TTC39C: variants seen among roughly 807,000 people sequenced by gnomAD.
TTC39C encodes tetratricopeptide repeat domain 39C.
In TTC39C, 33 loss-of-function variants were observed where a neutral mutation model predicts 76.3. The observed-to-expected ratio is 0.43, with a 90% CI of 0.33 to 0.58. The LOEUF (loss-of-function observed/expected upper bound fraction) is 0.58, where lower values mean the gene tolerates loss of function less well. TTC39C is among the 20% of genes least tolerant of loss of function. The probability of loss-of-function intolerance (pLI) is 0.04; values close to 1 mark genes in which losing one functional copy is unlikely to be tolerated. For synonymous variants in TTC39C, 254 were observed against 260.6 expected (o/e 0.97, Z 0.24); for missense variants, 595 against 701.4 (o/e 0.85, Z 1.71).
At chr18:24,084,875 G>A (rs1239826254) in intron 6 of TTC39C, among the ~76,000 whole-genome samples, 2 of 152,100 alleles carry the variant, frequency 1.3e-5, no homozygotes, top group Middle Eastern at 3.2e-3. Context: ...ATTTTGGCCA[G>A]TCTGGTCTCA....
intron 1 of TTC39C, among the ~76,000 whole-genome samples, chr18:24,051,853 T>C (rs2083954474): frequency 6.6e-6 from 1 of 152,142 alleles, no homozygotes; most frequent in African/African-American, 2.4e-5. Flanking sequence ...AGTATGAATT[T>C]TGTAGGACGT....
chr18:24,096,585 G>A (rs2084593105), intron 6 of TTC39C, among the ~76,000 whole-genome samples: 1 of 152,120 alleles, frequency 6.6e-6, no homozygotes, highest in South Asian at 2.1e-4. Flanking sequence ...TGTATGAGAT[G>A]TACATATGGT....
intron 1 of TTC39C, among the ~76,000 whole-genome samples, chr18:24,032,832 A>G (rs879276647): frequency 3.3e-5 from 5 of 152,264 alleles, no homozygotes; most frequent in African/African-American, 4.8e-5. Context: ...AGCTCATGCT[A>G]TAAAATAGAC....
At chr18:24,061,592 G>GGA (rs1599286641) in intron 1 of TTC39C, among the ~76,000 whole-genome samples, 3 of 12,142 alleles carry the variant, frequency 2.5e-4, no homozygotes, top group Admixed American at 1.3e-3. Context: ...CTTGAAATAA[G>GGA]TAAAAAAAAA....
intron 1 of TTC39C, among the ~76,000 whole-genome samples, chr18:23,995,244 G>T (rs2145619816): frequency 6.6e-6 from 1 of 152,310 alleles, no homozygotes; most frequent in Non-Finnish European, 1.5e-5. Flanking sequence ...GAGACGGGTG[G>T]ATCACTTGAG....
intron 1 of TTC39C, among the ~76,000 whole-genome samples, chr18:24,030,647 CCTTTTTTTT>C (rs2083656709): frequency 2.7e-5 from 1 of 37,338 alleles, no homozygotes; most frequent in Non-Finnish European, 8.4e-5. Context: ...CAAAGATAGG[CCTTTTTTTT>C]TTTTTTTTTT....
intron 3 of TTC39C, among the ~76,000 whole-genome samples, chr18:24,068,843 G>T (rs893024627): frequency 1.3e-5 from 2 of 152,164 alleles, no homozygotes; most frequent in Non-Finnish European, 2.9e-5. Flanking sequence ...GGATAAGAAA[G>T]ACTTCATATT....
Position 24,116,828 on chromosome 18 carries a change from T to G in TTC39C, c.1079-1297T>G, listed in dbSNP as rs959214398. On this transcript the variant is annotated intron_variant, in intron 7 of 13. Transcript: ENST00000317571. Reference sequence around the variant, plus strand: ...ACCTCTTGATACCTTAGTTTTTTTTTTTTTTTTTTTTTTTTAAGACAGGGT... The same window carrying G: ...ACCTCTTGATACCTTAGTTTTTTTTGTTTTTTTTTTTTTTTAAGACAGGGT... Among the ~76,000 whole-genome samples the G allele has an allele frequency of 8.8e-4, 129 of 145,992 alleles. 4 individuals carry two copies. The highest frequency in any genetic ancestry group is 7.2e-4 in the Non-Finnish European group (48 of 66,538).
chr18:24,109,200 T>TAAAAAAAAAA (rs1599333991), intron 6 of TTC39C, among the ~76,000 whole-genome samples: 1 of 105,782 alleles, frequency 9.5e-6, no homozygotes, highest in Non-Finnish European at 1.8e-5. Context: ...AAAAAAAAAG[T>TAAAAAAAAAA]TAAAAAATTA....
intron 1 of TTC39C, chr18:24,016,510 C>T (rs1019150883): frequency 2.5e-6 from 1 of 392,304 alleles, no homozygotes; most frequent in Non-Finnish European, 4.5e-6. Context: ...GATTTAGGTA[C>T]TTGCATGTTT....
chr18:24,081,488 G>T (rs2084374813), intron 5 of TTC39C, among the ~76,000 whole-genome samples: 1 of 152,156 alleles, frequency 6.6e-6, no homozygotes, highest in African/African-American at 2.4e-5. Context: ...TCTAGAACAA[G>T]AATTCACCAA....
At chr18:24,114,708 C>A in intron 7 of TTC39C, 61 bp downstream of exon 7, 1 of 1,320,306 alleles carries the variant, frequency 7.6e-7, no homozygotes, top group Non-Finnish European at 1.1e-6. Flanking sequence ...AGTATTTTAG[C>A]TTTCATGCCA....
At chr18:24,023,903 A>G (rs1168252732) in intron 1 of TTC39C, among the ~76,000 whole-genome samples, 1 of 140,306 alleles carries the variant, frequency 7.1e-6, no homozygotes, top group Non-Finnish European at 1.5e-5. Flanking sequence ...TACAATGTCT[A>G]AAAATCAATA....
intron 1 of TTC39C, chr18:24,019,753 T>A: frequency 1.2e-6 from 1 of 845,134 alleles, no homozygotes. Context: ...GCTCATTTGG[T>A]TATGTGTGGT....
chr18:23,997,869 G>A (rs555947068), intron 1 of TTC39C, among the ~76,000 whole-genome samples: 7 of 148,626 alleles, frequency 4.7e-5, no homozygotes, highest in South Asian at 4.2e-4. Flanking sequence ...GTGAGACCCC[G>A]TCTGAAAAAA....
chr18:24,042,950 C>T (rs988964352), intron 1 of TTC39C, among the ~76,000 whole-genome samples: 5 of 152,082 alleles, frequency 3.3e-5, no homozygotes, highest in African/African-American at 4.8e-5. Context: ...CCATGACTCT[C>T]ATAAAAATGT....
intron 4 of TTC39C, among the ~76,000 whole-genome samples, chr18:24,075,710 A>C (rs1160615065): frequency 6.6e-6 from 1 of 151,838 alleles, no homozygotes; most frequent in Non-Finnish European, 1.5e-5. Context: ...AAAACAAAAA[A>C]AAAACCTCTA....
At chr18:24,031,034 A>G (rs1439753079) in intron 1 of TTC39C, among the ~76,000 whole-genome samples, 1 of 151,016 alleles carries the variant, frequency 6.6e-6, no homozygotes, top group African/African-American at 2.4e-5. Context: ...GCAGCCTCCA[A>G]TTCCTGCATT....
chr18:24,097,069 C>T (rs1376654151), intron 6 of TTC39C, among the ~76,000 whole-genome samples: 1 of 152,170 alleles, frequency 6.6e-6, no homozygotes, highest in Non-Finnish European at 1.5e-5. Context: ...ACAAAATTGG[C>T]CTTTTTCGAT....
Sources: gnomAD v4.1 joint callset for allele counts (sites outside exome capture counted in the v4.1 genomes callset) on GRCh38, gnomAD v4.1.1 for gene constraint, MANE v1.5 for transcripts, NCBI Gene and HGNC (gene_info 2026-07-23, HGNC 2026-07-21) for gene names.